Variants in NHSL1 observed in about 807,000 individuals in gnomAD.
The protein encoded by NHSL1 is NHS-like protein 1.
A neutral mutation model predicts 95.0 loss-of-function variants in NHSL1; 48 were observed. The observed-to-expected ratio is 0.51, with a 90% CI of 0.40 to 0.64. The LOEUF (loss-of-function observed/expected upper bound fraction) is 0.64. Ranked by LOEUF, NHSL1 falls within the 30% of genes least tolerant of loss-of-function variation. The pLI, the probability that NHSL1 is intolerant of heterozygous loss-of-function variation, is 0.00. For missense variants in NHSL1, 1,971 were observed against 2,077.7 expected, an observed-to-expected ratio of 0.95 and a Z score of 1.00; for synonymous variants, 783 against 833.9, an observed-to-expected ratio of 0.94 and a Z score of 1.05.
chr6:138,661,020 T>C (rs1014821273), intron 1 of NHSL1, among the ~76,000 whole-genome samples: 16 of 152,158 alleles, frequency 1.1e-4, no homozygotes, highest in Non-Finnish European at 2.1e-4. Flanking sequence ...TACTATATTA[T>C]GGCTTCTTTA....
At chr6:138,673,012 T>C (rs190780558) in intron 1 of NHSL1, among the ~76,000 whole-genome samples, 9 of 113,222 alleles carry the variant, frequency 7.9e-5, no homozygotes, top group African/African-American at 2.1e-4. Flanking sequence ...GACTGTCTCA[T>C]AGATAGCTAG....
At chr6:138,684,290 C>G (rs1785553477) in intron 1 of NHSL1, among the ~76,000 whole-genome samples, 2 of 150,822 alleles carry the variant, frequency 1.3e-5, no homozygotes, top group African/African-American at 4.9e-5. Flanking sequence ...ATATTGGTAA[C>G]AGTAATGACA....
intron 5 of NHSL1, among the ~76,000 whole-genome samples, chr6:138,441,202 A>G (rs1434239110): frequency 6.6e-6 from 1 of 152,196 alleles, no homozygotes; most frequent in African/African-American, 2.4e-5. Context: ...GTTAGGGTTC[A>G]ACCAAGCGGG....
At chr6:138,583,008 C>A (rs112586884) in intron 1 of NHSL1, among the ~76,000 whole-genome samples, 1 of 152,200 alleles carries the variant, frequency 6.6e-6, no homozygotes, top group South Asian at 2.1e-4. Context: ...CAGTGAATCT[C>A]GGCTGAACTC....
intron 2 of NHSL1, among the ~76,000 whole-genome samples, chr6:138,475,309 A>G (rs1027880945): frequency 7.2e-5 from 11 of 152,000 alleles, no homozygotes; most frequent in African/African-American, 2.7e-4. Context: ...TTCAGCCTCA[A>G]TCTCCTAGGC....
chr6:138,484,246 C>T (rs1310006512), intron 2 of NHSL1, among the ~76,000 whole-genome samples: 1 of 152,084 alleles, frequency 6.6e-6, no homozygotes, highest in Non-Finnish European at 1.5e-5. Flanking sequence ...GCTGCATTTT[C>T]AGAAAAAGCT....
chr6:138,571,655 G>T (rs1783842445), intron 1 of NHSL1: 27 of 1,507,010 alleles, frequency 1.8e-5, no homozygotes, highest in Non-Finnish European at 2.4e-5. Context: ...TAGAAACAAA[G>T]AATTCTACAT....
chr6:138,578,698 C>CT (rs996595955), intron 1 of NHSL1, among the ~76,000 whole-genome samples: 67 of 151,182 alleles, frequency 4.4e-4, no homozygotes, highest in African/African-American at 1.5e-3. Context: ...ACCAGTTTTT[C>CT]TTTTTTTTTG....
rs9495153 is a variant in NHSL1, at chr6:138,610,890, G to A, written c.96+81586C>T. Among the ~76,000 whole-genome samples, 61 of 151,530 alleles carry A rather than the reference G, an allele frequency of 4.0e-4. No homozygotes were observed. In the East Asian group the frequency reaches 5.8e-3, roughly 14 times the overall value. On this transcript the variant is annotated intron_variant, in intron 1 of 3. Coordinates refer to the NHSL1 transcript ENST00000491526. ...GTCGGGAGTTCAAGACCAGCCTGACGAACGTGGTGAAATCCCATCTCTAAC... is the reference window on the plus strand; with the variant it reads ...GTCGGGAGTTCAAGACCAGCCTGACAAACGTGGTGAAATCCCATCTCTAAC...
intron 1 of NHSL1, among the ~76,000 whole-genome samples, chr6:138,583,660 A>G (rs1422608803): frequency 6.6e-6 from 1 of 152,198 alleles, no homozygotes; most frequent in African/African-American, 2.4e-5. Flanking sequence ...GTTAAACTGC[A>G]CTGGTCCATC....
intron 2 of NHSL1, among the ~76,000 whole-genome samples, chr6:138,494,660 AG>A (rs1435663305): frequency 6.6e-6 from 1 of 152,246 alleles, no homozygotes; most frequent in Non-Finnish European, 1.5e-5. Context: ...AATCAATGAC[AG>A]AATTTCTCCC....
intron 1 of NHSL1, among the ~76,000 whole-genome samples, chr6:138,528,505 A>C (rs1782004434): frequency 1.3e-5 from 2 of 152,294 alleles, no homozygotes; most frequent in South Asian, 4.1e-4. Context: ...TTGTTATTTG[A>C]TGTTTTGAGA....
chr6:138,678,505 C>T (rs1371236793), intron 1 of NHSL1, among the ~76,000 whole-genome samples: 1 of 152,112 alleles, frequency 6.6e-6, no homozygotes, highest in Non-Finnish European at 1.5e-5. Flanking sequence ...ACAGAAAATA[C>T]CTGTAAACCC....
chr6:138,442,115 CT>C lies in NHSL1; in HGVS notation c.533-2del. Reference sequence around the variant, plus strand: ...CTGGCCTGGCGATCGAAATTCTCCCCTAATGTAGAGTAGTAGAACAAGCAAA... The same window carrying C: ...CTGGCCTGGCGATCGAAATTCTCCCCAATGTAGAGTAGTAGAACAAGCAAA... On this transcript the variant is annotated splice_acceptor_variant, in intron 4 of 7. Transcript: ENST00000343505. LOFTEE classifies it high-confidence loss of function. The C allele has an allele frequency of 6.5e-7, 1 of 1,547,934 alleles. No individual in the cohort carries two copies.
chr6:138,530,457 T>C (rs1236281768), intron 1 of NHSL1, among the ~76,000 whole-genome samples: 1 of 152,166 alleles, frequency 6.6e-6, no homozygotes, highest in African/African-American at 2.4e-5. Context: ...GGTCATTATA[T>C]GAAAAAGATA....
chr6:138,506,161 TTAA>T (rs1330193593), intron 1 of NHSL1, among the ~76,000 whole-genome samples: 1 of 152,184 alleles, frequency 6.6e-6, no homozygotes, highest in Non-Finnish European at 1.5e-5. Flanking sequence ...CATCATCTAC[TTAA>T]TAAACATTCA....
At chr6:138,558,344 G>A (rs1015779115) in intron 1 of NHSL1, among the ~76,000 whole-genome samples, 3 of 150,924 alleles carry the variant, frequency 2.0e-5, no homozygotes, top group Non-Finnish European at 4.4e-5. Context: ...GGATGGTTTC[G>A]ATCTCCTGAC....
At chr6:138,556,195 C>T (rs892780898) in intron 1 of NHSL1, among the ~76,000 whole-genome samples, 1 of 151,836 alleles carries the variant, frequency 6.6e-6, no homozygotes, top group Admixed American at 6.6e-5. Context: ...ATTAGGTAAA[C>T]ACAAAAGTCA....
intron 1 of NHSL1, among the ~76,000 whole-genome samples, chr6:138,657,110 CA>C (rs1338790864): frequency 8.2e-5 from 12 of 146,474 alleles, no homozygotes; most frequent in South Asian, 2.2e-4. Context: ...TCACCTGCAA[CA>C]AAAAAAAAAC....
Sources: gnomAD v4.1 joint callset for allele counts (sites outside exome capture counted in the v4.1 genomes callset) on GRCh38, gnomAD v4.1.1 for gene constraint, MANE v1.5 for transcripts, NCBI Gene and HGNC (gene_info 2026-07-23, HGNC 2026-07-21) for gene names.